DPP10: variants seen among roughly 807,000 people sequenced by gnomAD.
DPP10 encodes the protein dipeptidyl peptidase like 10, also known as inactive dipeptidyl peptidase 10.
A neutral mutation model predicts 120.9 loss-of-function variants in DPP10; 33 were observed. That is an observed-to-expected ratio of 0.27 (90% CI 0.21 to 0.37). The LOEUF is 0.37. Ranked by LOEUF, DPP10 falls within the 10% of genes least tolerant of loss-of-function variation. The pLI, the probability that DPP10 is intolerant of heterozygous loss-of-function variation, is 1.00. For missense variants in DPP10, 816 were observed against 942.8 expected, an observed-to-expected ratio of 0.87 and a Z score of 1.76; for synonymous variants, 337 against 326.1, an observed-to-expected ratio of 1.03 and a Z score of -0.36.
chr2:114,786,962 C>T lies in DPP10; in HGVS notation c.60+344124C>T, dbSNP rs189261850. Reference sequence around the variant, plus strand: ...GTGCTTATTCCGCAGCATATTGAGCCTCTCTGTGCCAGACACGGTTTTAGG... The same window carrying T: ...GTGCTTATTCCGCAGCATATTGAGCTTCTCTGTGCCAGACACGGTTTTAGG... On this transcript the variant is annotated intron_variant, in intron 1 of 25. Coordinates refer to ENST00000410059, the MANE Select transcript of DPP10 (RefSeq NM_020868.6). Among the ~76,000 whole-genome samples, 13 of 152,264 alleles carry T rather than the reference C, an allele frequency of 8.5e-5. No homozygotes were observed. In the East Asian group the frequency reaches 2.5e-3, roughly 29 times the overall value.
At chr2:115,519,312 A>C (rs538991065) in intron 4 of DPP10, among the ~76,000 whole-genome samples, 1 of 152,272 alleles carries the variant, frequency 6.6e-6, no homozygotes, top group African/African-American at 2.4e-5. Flanking sequence ...ATGGATTAGT[A>C]GGTATTGATT....
chr2:114,872,616 G>T (rs1455570607), intron 1 of DPP10, among the ~76,000 whole-genome samples: 1 of 152,150 alleles, frequency 6.6e-6, no homozygotes, highest in Non-Finnish European at 1.5e-5. Context: ...GTCAGAATCT[G>T]ACATTTATTT....
intron 1 of DPP10, among the ~76,000 whole-genome samples, chr2:114,539,925 T>C (rs1271497998): frequency 1.3e-5 from 2 of 152,184 alleles, no homozygotes; most frequent in African/African-American, 4.8e-5. Context: ...AATATTATTA[T>C]GATAAAGATG....
intron 1 of DPP10, among the ~76,000 whole-genome samples, chr2:115,288,430 C>T (rs909355096): frequency 6.6e-6 from 1 of 152,006 alleles, no homozygotes; most frequent in Non-Finnish European, 1.5e-5. Context: ...TAAAAACCCT[C>T]AACCTGGTCA....
intron 1 of DPP10, among the ~76,000 whole-genome samples, chr2:115,053,658 A>G (rs1402581877): frequency 2.0e-5 from 3 of 152,252 alleles, no homozygotes; most frequent in Non-Finnish European, 4.4e-5. Context: ...TTTCCAATAC[A>G]AGTTTTCAAT....
intron 7 of DPP10, among the ~76,000 whole-genome samples, chr2:115,690,433 T>C (rs114475421): frequency 0.022 from 3,352 of 152,224 alleles, 117 homozygotes; most frequent in African/African-American, 0.076. Context: ...ATGTGCATGT[T>C]TATTTTAGGC....
chr2:114,730,712 G>A (rs1443880378), intron 1 of DPP10, among the ~76,000 whole-genome samples: 5 of 151,928 alleles, frequency 3.3e-5, no homozygotes, highest in East Asian at 3.9e-4. Flanking sequence ...TCCTGCCTCC[G>A]CCTCCCGAGT....
At chr2:115,019,908 T>C (rs1361725926) in intron 1 of DPP10, among the ~76,000 whole-genome samples, 1 of 152,138 alleles carries the variant, frequency 6.6e-6, no homozygotes, top group African/African-American at 2.4e-5. Flanking sequence ...TTGTATCCAG[T>C]GAAACTAAAC....
chr2:115,826,735 CTT>C (rs893432911), intron 21 of DPP10, among the ~76,000 whole-genome samples: 1 of 152,052 alleles, frequency 6.6e-6, no homozygotes, highest in Non-Finnish European at 1.5e-5. Context: ...CCTTTGAAAT[CTT>C]TTTTGTCAGA....
intron 1 of DPP10, among the ~76,000 whole-genome samples, chr2:115,100,586 G>GTA (rs2048641957): frequency 6.6e-6 from 1 of 152,024 alleles, no homozygotes; most frequent in Non-Finnish European, 1.5e-5. Flanking sequence ...GTGTGTGTGT[G>GTA]TATATATGTA....
At chr2:115,801,955 G>A (rs576716563) in intron 19 of DPP10, among the ~76,000 whole-genome samples, 11 of 152,304 alleles carry the variant, frequency 7.2e-5, no homozygotes, top group Non-Finnish European at 1.2e-4. Context: ...CATAAAATGA[G>A]TTAGGGAGGA....
intron 1 of DPP10, among the ~76,000 whole-genome samples, chr2:115,050,555 G>C (rs1205944874): frequency 6.6e-6 from 1 of 150,730 alleles, no homozygotes; most frequent in East Asian, 1.9e-4. Flanking sequence ...AAAAGTTGGG[G>C]CAAAAAAAAA....
At chr2:115,398,548 T>C (rs2067846218) in intron 3 of DPP10, among the ~76,000 whole-genome samples, 1 of 152,080 alleles carries the variant, frequency 6.6e-6, no homozygotes, top group Non-Finnish European at 1.5e-5. Flanking sequence ...TGGTTTGTTT[T>C]TGAATGCAAA....
chr2:115,497,602 T>A (rs2076466287), intron 3 of DPP10, among the ~76,000 whole-genome samples: 1 of 152,136 alleles, frequency 6.6e-6, no homozygotes, highest in Non-Finnish European at 1.5e-5. Context: ...GCTATTTGGC[T>A]CTTGATAATT....
chr2:115,808,155 G>A (rs997768929), intron 19 of DPP10, among the ~76,000 whole-genome samples: 9 of 152,276 alleles, frequency 5.9e-5, no homozygotes, highest in South Asian at 2.1e-4. Context: ...ATACGTGTGC[G>A]AAAGGCACAA....
At chr2:115,765,370 T>C (rs149681394) in intron 12 of DPP10, among the ~76,000 whole-genome samples, 1 of 152,146 alleles carries the variant, frequency 6.6e-6, no homozygotes, top group African/African-American at 2.4e-5. Flanking sequence ...TATATAAAAC[T>C]AATATTTTTG....
intron 21 of DPP10, 104 bp from the exon 22 acceptor site, chr2:115,836,053 A>C (rs1456064380): frequency 3.3e-6 from 2 of 609,430 alleles, no homozygotes; most frequent in African/African-American, 3.9e-5. Flanking sequence ...TCAAAAGCTA[A>C]AAATGTCTCC....
intron 5 of DPP10, among the ~76,000 whole-genome samples, chr2:115,645,579 G>A (rs2087173398): frequency 6.6e-6 from 1 of 152,154 alleles, no homozygotes; most frequent in Middle Eastern, 3.4e-3. Flanking sequence ...CTGAAATTGA[G>A]GAAAATGAAA....
chr2:115,832,307 T>C (rs1689007423), intron 21 of DPP10, among the ~76,000 whole-genome samples: 1 of 152,080 alleles, frequency 6.6e-6, no homozygotes, highest in Admixed American at 6.6e-5. Context: ...TGGGCAGCCA[T>C]GGCAAAACCT....
Sources: gnomAD v4.1 joint callset for allele counts (sites outside exome capture counted in the v4.1 genomes callset) on GRCh38, gnomAD v4.1.1 for gene constraint, MANE v1.5 for transcripts, NCBI Gene and HGNC (gene_info 2026-07-23, HGNC 2026-07-21) for gene names.